The following LAMA2 variants were observed in gnomAD, a reference collection of about 807,000 sequenced individuals.
The protein encoded by LAMA2 is laminin subunit alpha 2.
A neutral mutation model predicts 364.8 loss-of-function variants in LAMA2; 269 were observed. That is an observed-to-expected ratio of 0.74 (90% CI 0.67 to 0.82). The LOEUF (loss-of-function observed/expected upper bound fraction) is 0.82, where lower values mean the gene tolerates loss of function less well. Among genes scored for constraint, LAMA2 ranks in the 40% least tolerant of loss-of-function variants. The pLI, the probability that LAMA2 is intolerant of heterozygous loss-of-function variation, is 0.00. For synonymous variants in LAMA2, 1,379 were observed against 1,370.6 expected (o/e 1.01, Z -0.14); for missense variants, 3,807 against 3,873.2 (o/e 0.98, Z 0.45).
At chr6:128,905,006 T>C (rs1182999818) in intron 1 of LAMA2, among the ~76,000 whole-genome samples, 1 of 152,214 alleles carries the variant, frequency 6.6e-6, no homozygotes, top group Non-Finnish European at 1.5e-5. Context: ...ATATGTTAAA[T>C]GAAATAATTA....
chr6:129,297,892 A>G, intron 21 of LAMA2, 27 bp downstream of exon 21: 2 of 1,593,886 alleles, frequency 1.3e-6, no homozygotes, highest in Non-Finnish European at 1.7e-6. Context: ...TAAGTCCTAC[A>G]TATTCACTCT....
intron 32 of LAMA2, among the ~76,000 whole-genome samples, chr6:129,363,500 G>T (rs1157078092): frequency 6.6e-6 from 1 of 152,192 alleles, no homozygotes; most frequent in Non-Finnish European, 1.5e-5. Context: ...CAGAGATAAT[G>T]TGGGACGCAG....
chr6:129,477,851 A>G (rs574026314), intron 53 of LAMA2, among the ~76,000 whole-genome samples: 1 of 152,278 alleles, frequency 6.6e-6, no homozygotes, highest in Admixed American at 6.5e-5. Context: ...TGGCACAACC[A>G]TAATTCACTG....
At chr6:129,515,322 T>C (rs1457838877) in intron 64 of LAMA2, among the ~76,000 whole-genome samples, 1 of 152,242 alleles carries the variant, frequency 6.6e-6, no homozygotes, top group Non-Finnish European at 1.5e-5. Flanking sequence ...TCAGCAATTG[T>C]TGACAGAGCA....
intron 1 of LAMA2, among the ~76,000 whole-genome samples, chr6:128,930,667 G>A (rs1779417376): frequency 2.0e-5 from 3 of 152,040 alleles, no homozygotes; most frequent in Admixed American, 6.6e-5. Context: ...CAGCATCCTA[G>A]CCTGTCCTGA....
At chr6:129,119,424 A>G (rs1776671459) in intron 4 of LAMA2, among the ~76,000 whole-genome samples, 1 of 152,120 alleles carries the variant, frequency 6.6e-6, no homozygotes, top group Admixed American at 6.5e-5. Context: ...TGTTGTAATG[A>G]CTATCTTGTA....
rs1471028319 is a variant in LAMA2, at chr6:129,173,043, C to T, written c.1307-4663C>T. On this transcript the variant is annotated intron_variant, in intron 9 of 64. Coordinates refer to ENST00000421865, the MANE Select transcript of LAMA2 (RefSeq NM_000426.4). The stretch of plus-strand genomic sequence containing the variant: ...GCCCTGCTTCGGCTCGCGCAGGGTG[C>T]GCGCACCCACTGACCTGCGCCCACT... Among the ~76,000 whole-genome samples the T allele has an allele frequency of 6.2e-4, 94 of 152,298 alleles. 1 individual carries two copies. The highest frequency in any genetic ancestry group is 6.0e-3 in the Admixed American group (92 of 15,312).
At chr6:129,324,052 C>A (rs1321273327) in intron 28 of LAMA2, among the ~76,000 whole-genome samples, 1 of 152,192 alleles carries the variant, frequency 6.6e-6, no homozygotes, top group Non-Finnish European at 1.5e-5. Flanking sequence ...ACACATCTAT[C>A]CTTTATCACT....
intron 15 of LAMA2, among the ~76,000 whole-genome samples, chr6:129,262,116 A>G (rs1327135541): frequency 6.6e-6 from 1 of 152,174 alleles, no homozygotes; most frequent in Non-Finnish European, 1.5e-5. Context: ...CCCACTGAAT[A>G]TAAAATTACT....
intron 32 of LAMA2, among the ~76,000 whole-genome samples, chr6:129,359,265 A>G (rs964655971): frequency 9.8e-6 from 1 of 102,108 alleles, no homozygotes; most frequent in East Asian, 2.6e-4. Flanking sequence ...TATAAAACAC[A>G]TATATCAATA....
chr6:128,991,453 T>G (rs1783607169), intron 1 of LAMA2, among the ~76,000 whole-genome samples: 1 of 152,204 alleles, frequency 6.6e-6, no homozygotes, highest in South Asian at 2.1e-4. Context: ...CCTATTTGCT[T>G]TACAAATTTT....
At chr6:129,246,824 T>A (rs1478682120) in intron 12 of LAMA2, among the ~76,000 whole-genome samples, 5 of 152,064 alleles carry the variant, frequency 3.3e-5, no homozygotes, top group South Asian at 4.2e-4. Context: ...AGTGGACAGA[T>A]GGAGAAGAGG....
intron 12 of LAMA2, among the ~76,000 whole-genome samples, chr6:129,218,574 A>G (rs1783578180): frequency 6.6e-6 from 1 of 152,162 alleles, no homozygotes; most frequent in South Asian, 2.1e-4. Flanking sequence ...TTTCAGTAAC[A>G]TTCATTAAAT....
chr6:129,230,325 A>G (rs1784602325), intron 12 of LAMA2, among the ~76,000 whole-genome samples: 2 of 152,172 alleles, frequency 1.3e-5, no homozygotes, highest in South Asian at 2.1e-4. Context: ...GCATTCGACC[A>G]ATGACCTTGA....
At position 129,514,407 on chromosome 6, in the gene LAMA2, T is replaced by C. The variant is rs775964703; in HGVS notation, c.9023T>C (p.Phe3008Ser). The C allele has an allele frequency of 6.2e-7, 1 of 1,614,030 alleles. No homozygotes were observed. Among genetic ancestry groups the C allele is most frequent in the South Asian group, 1.1e-5 (1 of 91,074 alleles). ...MFHVDNGAGR[F>S]TAVYDAGVPG... ...CATGTGGACAATGGTGCGGGCAGAT[T>C]CACTGCTGTCTATGATGCTGGGGTT... The change falls in exon 64 of 65, where the codon TTC becomes TCC. Residue 3008 changes from phenylalanine to serine, a missense_variant. By Grantham distance (155) the Phe-to-Ser change is radical. This residue lies in a region of LAMA2 where 3,333 missense variants were observed against 3,345.7 expected (regional missense o/e 1.00). Coordinates refer to ENST00000421865, the MANE Select transcript of LAMA2 (RefSeq NM_000426.4).
At chr6:129,275,885 C>G (rs265389) in intron 17 of LAMA2, among the ~76,000 whole-genome samples, 1 of 151,820 alleles carries the variant, frequency 6.6e-6, no homozygotes, top group African/African-American at 2.4e-5. Flanking sequence ...AGAAATATAT[C>G]GTTCAAAGAC....
At chr6:129,069,563 A>G (rs1201323489) in intron 3 of LAMA2, among the ~76,000 whole-genome samples, 1 of 149,242 alleles carries the variant, frequency 6.7e-6, no homozygotes, top group Non-Finnish European at 1.5e-5. Context: ...TTCTTGAGTC[A>G]AATGGCTTCA....
At chr6:129,027,096 A>C (rs1785878124) in intron 1 of LAMA2, among the ~76,000 whole-genome samples, 1 of 152,072 alleles carries the variant, frequency 6.6e-6, no homozygotes, top group African/African-American at 2.4e-5. Flanking sequence ...ATTTCTTATA[A>C]ATAGCAGTGC....
intron 21 of LAMA2, among the ~76,000 whole-genome samples, chr6:129,300,429 G>T (rs1047960226): frequency 2.0e-5 from 3 of 152,096 alleles, no homozygotes; most frequent in Admixed American, 6.5e-5. Context: ...AATATAAGGT[G>T]TTACAGTTAA....
Sources: allele counts gnomAD v4.1 joint callset (sites outside exome capture counted in the v4.1 genomes callset), GRCh38; gene constraint gnomAD v4.1.1; regional missense constraint gnomAD v4.1.1; transcripts MANE v1.5; gene names NCBI Gene and HGNC (gene_info 2026-07-23, HGNC 2026-07-21).